BIN2: variants seen among roughly 807,000 people sequenced by gnomAD.
BIN2 encodes the protein breast cancer associated protein BRAP1.
In BIN2, 43 loss-of-function variants were observed where a neutral mutation model predicts 67.9. The observed-to-expected ratio is 0.63, with a 90% CI of 0.50 to 0.82. The LOEUF is 0.82. BIN2 is among the 40% of genes least tolerant of loss of function. The pLI is 0.00. For missense variants in BIN2, 581 were observed against 671.6 expected, an observed-to-expected ratio of 0.87 and a Z score of 1.49; for synonymous variants, 244 against 246.8, an observed-to-expected ratio of 0.99 and a Z score of 0.11.
In BIN2 at chr12:51,291,869, G is replaced by C. The variant is rs1945391111; in HGVS notation, c.1237C>G (p.Pro413Ala). The change falls in exon 10 of 13, where the codon CCC becomes GCC. Residue 413 changes from proline to alanine, a missense_variant. Pro to Ala is a conservative substitution (Grantham distance 27). Transcript: ENST00000615107. ...CTGGGTGGAGGAGGCCTACTAGGGGGTGCTGAGGTCCTCTGGATAGAGGCT... is the reference window on the plus strand; with the variant it reads ...CTGGGTGGAGGAGGCCTACTAGGGGCTGCTGAGGTCCTCTGGATAGAGGCT... Reference protein sequence around the residue: ...KRASIQRTSAPPSRPPPPRAT... With the variant: ...KRASIQRTSAAPSRPPPPRAT... The C allele has an allele frequency of 6.2e-7, 1 of 1,614,082 alleles. No homozygotes were observed. Among genetic ancestry groups the C allele is most frequent in the Non-Finnish European group, 8.5e-7 (1 of 1,180,038 alleles).
chr12:51,316,161 G>A (rs1344511085), intron 1 of BIN2, among the ~76,000 whole-genome samples: 2 of 152,014 alleles, frequency 1.3e-5, no homozygotes, highest in African/African-American at 4.8e-5. Context: ...ATCTTCTAAT[G>A]GTTCCCCATT....
chr12:51,291,606 G>GT lies in BIN2; in HGVS notation c.1499_1500insA (p.Met502AsnfsTer22). 1 of 1,606,330 alleles carries GT rather than the reference G, an allele frequency of 6.2e-7. No individual in the cohort carries two copies. The highest frequency in any genetic ancestry group is 1.1e-5 in the South Asian group (1 of 90,570). ...CTACTCTTACCTGAGATGTCATTAA[G>GT]GTGGGGGAAGTACAAAGTTCTTCAG... On this transcript the variant is annotated frameshift_variant, in exon 10 of 13. Coordinates refer to ENST00000615107, the MANE Select transcript of BIN2 (RefSeq NM_016293.4). LOFTEE classifies it high-confidence loss of function.
At chr12:51,293,512 C>G (rs1945448859) in intron 9 of BIN2, among the ~76,000 whole-genome samples, 1 of 152,110 alleles carries the variant, frequency 6.6e-6, no homozygotes, top group Non-Finnish European at 1.5e-5. Flanking sequence ...TGGGGTTTCA[C>G]TGTGTTAGCC....
intron 8 of BIN2, 116 bp downstream of exon 8, chr12:51,296,971 GAA>G: frequency 1.1e-6 from 1 of 935,528 alleles, no homozygotes; most frequent in East Asian, 2.5e-5. Context: ...CATCATGAGA[GAA>G]AAGCCAAAAT....
intron 1 of BIN2, among the ~76,000 whole-genome samples, chr12:51,314,606 G>C (rs12809195): frequency 4.0e-5 from 6 of 151,876 alleles, no homozygotes; most frequent in Non-Finnish European, 8.8e-5. Context: ...TCGAGGCCAG[G>C]CTGACCAGCA....
At chr12:51,321,282 T>C (rs1021574815) in intron 1 of BIN2, among the ~76,000 whole-genome samples, 1 of 152,212 alleles carries the variant, frequency 6.6e-6, no homozygotes, top group African/African-American at 2.4e-5. Flanking sequence ...CAATCTCTTT[T>C]GAGCCTTGTT....
rs565584947 is a variant in BIN2 at position 51,318,721 on chromosome 12, G to A, written c.82-4818C>T. Among the ~76,000 whole-genome samples, 19 of 152,224 alleles carry A rather than the reference G, an allele frequency of 1.2e-4. No individual in the cohort carries two copies. The South Asian group carries it at 3.7e-3, about 30-fold the overall frequency. ...AAGTCATTAAAACTTTTGAGCCTCG[G>A]TTTACAGAACTCCCTTTCCCCCATT... is the stretch of plus-strand genomic sequence containing the variant. On this transcript the variant is annotated intron_variant, in intron 1 of 12. Transcript: ENST00000615107.
intron 1 of BIN2, 117 bp downstream of exon 1, chr12:51,323,905 G>T (rs550406511): frequency 1.6e-6 from 2 of 1,250,602 alleles, no homozygotes; most frequent in Non-Finnish European, 2.2e-6. Context: ...GACCCTTCTC[G>T]TCAGCCCAGA....
At chr12:51,291,068 G>A (rs543714524) in intron 10 of BIN2, among the ~76,000 whole-genome samples, 54 of 152,318 alleles carry the variant, frequency 3.5e-4, no homozygotes, top group African/African-American at 1.3e-3. Flanking sequence ...AGAATCACTT[G>A]AACCCAGGAG....
chr12:51,307,176 G>A (rs1272639213), intron 2 of BIN2, among the ~76,000 whole-genome samples: 1 of 150,364 alleles, frequency 6.7e-6, no homozygotes, highest in Non-Finnish European at 1.5e-5. Flanking sequence ...CCAGCTACTT[G>A]GGAGGCTGAG....
At chr12:51,324,332 C>T, upstream of BIN2, 1 of 1,331,762 alleles carries the variant, frequency 7.5e-7, no homozygotes, top group Non-Finnish European at 9.8e-7. Flanking sequence ...AGCGCTCGCT[C>T]GAGGCCAGCT....
At chr12:51,312,487 C>T (rs538772328) in intron 2 of BIN2, among the ~76,000 whole-genome samples, 3 of 152,216 alleles carry the variant, frequency 2.0e-5, no homozygotes, top group East Asian at 3.9e-4. Flanking sequence ...GCTCTATTCC[C>T]GCATAAATAT....
intron 11 of BIN2, among the ~76,000 whole-genome samples, chr12:51,287,299 C>T (rs1945262325): frequency 6.6e-6 from 1 of 151,652 alleles, no homozygotes; most frequent in Non-Finnish European, 1.5e-5. Flanking sequence ...TACAGGCTTG[C>T]ATCAGTGAGC....
intron 12 of BIN2, among the ~76,000 whole-genome samples, 199 bp from the exon 13 acceptor site, chr12:51,281,727 A>G (rs1000101899): frequency 2.6e-5 from 4 of 152,056 alleles, no homozygotes; most frequent in African/African-American, 4.8e-5. Flanking sequence ...ATCATTCACA[A>G]TATCTTTATG....
At chr12:51,315,864 A>C (rs1161395754) in intron 1 of BIN2, among the ~76,000 whole-genome samples, 1 of 152,228 alleles carries the variant, frequency 6.6e-6, no homozygotes, top group Non-Finnish European at 1.5e-5. Flanking sequence ...CTCTGTTCTC[A>C]TAGGACCCTC....
chr12:51,302,925 G>C, intron 3 of BIN2, 145 bp from the exon 4 acceptor site: 1 of 1,125,092 alleles, frequency 8.9e-7, no homozygotes, highest in Non-Finnish European at 1.3e-6. Context: ...GGATGGGGCT[G>C]AAAGGAAAAG....
chr12:51,306,352 C>T (rs1023733106), intron 2 of BIN2, among the ~76,000 whole-genome samples: 9 of 152,114 alleles, frequency 5.9e-5, no homozygotes, highest in Admixed American at 3.3e-4. Context: ...GTAGGCCAGG[C>T]GAGGTAGCTC....
chr12:51,290,730 G>C lies in BIN2; in HGVS notation c.1515+861C>G, dbSNP rs560809255. Among the ~76,000 whole-genome samples the C allele has an allele frequency of 9.9e-5, 15 of 151,740 alleles. No individual in the cohort carries two copies. The South Asian group carries it at 2.1e-3, about 21-fold the overall frequency. The stretch of plus-strand genomic sequence containing the variant: ...GGGTAGATCACAAGGTCAGGAGATC[G>C]AGACCATCCTGACTAACACAGTGAA... On this transcript the variant is annotated intron_variant, in intron 10 of 12. Transcript: ENST00000615107.
chr12:51,297,247 GCCAAAACC>G, intron 7 of BIN2, 83 bp from the exon 8 acceptor site: 1 of 1,318,830 alleles, frequency 7.6e-7, no homozygotes, highest in Non-Finnish European at 1.1e-6. Context: ...TAGGACTTAA[GCCAAAACC>G]AGCCACCAAG....
Sources: allele counts gnomAD v4.1 joint callset (sites outside exome capture counted in the v4.1 genomes callset), GRCh38; gene constraint gnomAD v4.1.1; transcripts MANE v1.5; gene names NCBI Gene and HGNC (gene_info 2026-07-23, HGNC 2026-07-21).